ZNF708: variants seen among roughly 807,000 people sequenced by gnomAD.
The protein encoded by ZNF708 is zinc finger protein 708, also known as ZNF15, ZNF15L1.
ZNF708 carries 44 observed loss-of-function variants against 47.0 expected under a neutral mutation model. That is an observed-to-expected ratio of 0.94 (90% CI 0.74 to 1.20). The LOEUF is 1.20. Among genes scored for constraint, ZNF708 ranks in the 50% most tolerant of loss-of-function variants. The probability of loss-of-function intolerance (pLI) is 0.00; values close to 1 mark genes in which losing one functional copy is unlikely to be tolerated. For missense variants in ZNF708, 557 were observed against 656.0 expected (o/e 0.85, Z 1.65); for synonymous variants, 184 against 218.5 (o/e 0.84, Z 1.39).
At chr19:21,319,283 C>G (rs1022595611) in intron 1 of ZNF708, among the ~76,000 whole-genome samples, 2 of 152,084 alleles carry the variant, frequency 1.3e-5, no homozygotes, top group African/African-American at 4.8e-5. Flanking sequence ...ATACACTGAA[C>G]TGTTCTTGTT....
rs1388354827 is a variant in ZNF708 at position 21,299,083 on chromosome 19, C to T, written c.227-4344G>A. On this transcript the variant is annotated intron_variant, in intron 3 of 3. Coordinates refer to ENST00000356929, the MANE Select transcript of ZNF708 (RefSeq NM_021269.3). Reference sequence around the variant, plus strand: ...TAATGTATATTAAGATTTAGCTTTACGGCCAGGCAGTGCTGTACTCCCAGC... The same window carrying T: ...TAATGTATATTAAGATTTAGCTTTATGGCCAGGCAGTGCTGTACTCCCAGC... 4.6e-5 allele frequency among the ~76,000 whole-genome samples: 7 copies of T among 152,250 alleles called. No homozygotes were observed. In the East Asian group the frequency reaches 5.8e-4, roughly 13 times the overall value.
intron 1 of ZNF708, among the ~76,000 whole-genome samples, chr19:21,326,697 A>G (rs902964423): frequency 6.6e-6 from 1 of 152,024 alleles, no homozygotes; most frequent in Non-Finnish European, 1.5e-5. Context: ...TTGGGAGGCC[A>G]TGGCGGGTGG....
intron 1 of ZNF708, among the ~76,000 whole-genome samples, chr19:21,320,540 A>G (rs1973106270): frequency 6.6e-6 from 1 of 151,668 alleles, no homozygotes; most frequent in African/African-American, 2.4e-5. Flanking sequence ...TACAAAAAGA[A>G]ACATTAGACA....
At chr19:21,328,576 T>A (rs542407750) in intron 1 of ZNF708, among the ~76,000 whole-genome samples, 4 of 152,246 alleles carry the variant, frequency 2.6e-5, no homozygotes, top group African/African-American at 9.6e-5. Flanking sequence ...AATAATTAAG[T>A]GGCAGGCAAT....
In ZNF708 at chr19:21,293,568, A is replaced by G. The variant is rs202216363; in HGVS notation, c.1398T>C (p.His466=). The part of the protein sequence containing the change: ...TFNYSSNFTN[H]KKIHTGEKPY... ...GTTTCTCTCCAGTATGAATTTTTTT[A>G]TGATTAGTAAAATTTGAGGAGTAGT... Residue 466 remains histidine, a synonymous_variant, in exon 4 of 4, where the codon CAT becomes CAC. Transcript: ENST00000356929. 1.7e-5 allele frequency: 27 copies of G among 1,612,768 alleles called. No individual in the cohort carries two copies. In the East Asian group the frequency reaches 2.9e-4, roughly 17 times the overall value.
intron 3 of ZNF708, among the ~76,000 whole-genome samples, chr19:21,301,373 G>A (rs535746790): frequency 6.6e-6 from 1 of 151,980 alleles, no homozygotes; most frequent in African/African-American, 2.4e-5. Flanking sequence ...CCAGCACTTA[G>A]GGAGGCCAAG....
At chr19:21,329,095 C>G in intron 1 of ZNF708, 115 bp downstream of exon 1, 2 of 1,492,012 alleles carry the variant, frequency 1.3e-6, no homozygotes, top group South Asian at 2.3e-5. Context: ...GCAAGGAGAA[C>G]TCGGAGCGCA....
intron 3 of ZNF708, among the ~76,000 whole-genome samples, chr19:21,301,583 T>C (rs983434812): frequency 6.6e-6 from 1 of 151,974 alleles, no homozygotes; most frequent in African/African-American, 2.4e-5. Flanking sequence ...GCCACTGCAT[T>C]CTAGCCTGGG....
At chr19:21,297,959 TAGTGTGTGTG>T (rs1251567551) in intron 3 of ZNF708, among the ~76,000 whole-genome samples, 1 of 62,242 alleles carries the variant, frequency 1.6e-5, no homozygotes, top group African/African-American at 6.7e-5. Context: ...AACAAATGAC[TAGTGTGTGTG>T]TGTGTGTGTG....
intron 1 of ZNF708, chr19:21,318,111 G>A (rs2997217): frequency 7.9e-5 from 12 of 152,404 alleles, no homozygotes; most frequent in African/African-American, 2.6e-4. Flanking sequence ...TCTTAAGTGA[G>A]CCCCAATTGC....
intron 1 of ZNF708, among the ~76,000 whole-genome samples, chr19:21,324,582 A>C (rs1376641022): frequency 6.6e-6 from 1 of 152,196 alleles, no homozygotes; most frequent in Non-Finnish European, 1.5e-5. Flanking sequence ...AATAAAAAAA[A>C]AATCCAGCAG....
chr19:21,308,295 T>G (rs1199171433), intron 3 of ZNF708, among the ~76,000 whole-genome samples: 1 of 151,916 alleles, frequency 6.6e-6, no homozygotes, highest in South Asian at 2.1e-4. Context: ...TTTTTTTTTT[T>G]TGAGATTGAG....
chr19:21,310,452 AAAAT>A (rs372056271), intron 2 of ZNF708, 45 bp downstream of exon 2: 3 of 971,656 alleles, frequency 3.1e-6, no homozygotes, highest in Non-Finnish European at 3.9e-6. Flanking sequence ...CTCAAAAAAA[AAAAT>A]AATAATAAAT....
chr19:21,306,998 C>A, intron 3 of ZNF708: 1 of 143,326 alleles, frequency 7.0e-6, no homozygotes, highest in Admixed American at 7.1e-5. Context: ...CATAACATAA[C>A]ATAACATAAC....
At chr19:21,312,012 G>A (rs949471090) in intron 1 of ZNF708, among the ~76,000 whole-genome samples, 2 of 151,960 alleles carry the variant, frequency 1.3e-5, no homozygotes, top group African/African-American at 2.4e-5. Flanking sequence ...AAACAACATG[G>A]GGCCAGGTGC....
intron 3 of ZNF708, among the ~76,000 whole-genome samples, chr19:21,296,944 C>G (rs1972536942): frequency 6.6e-6 from 1 of 151,498 alleles, no homozygotes; most frequent in Admixed American, 6.6e-5. Context: ...ACCAGCCTGG[C>G]CAACATGGTG....
chr19:21,317,343 G>T (rs1973036741), intron 1 of ZNF708, among the ~76,000 whole-genome samples: 1 of 152,114 alleles, frequency 6.6e-6, no homozygotes, highest in African/African-American at 2.4e-5. Context: ...AAGGTTTGTA[G>T]AAATCTGATC....
At chr19:21,317,288 C>G (rs1349589728) in intron 1 of ZNF708, among the ~76,000 whole-genome samples, 1 of 151,962 alleles carries the variant, frequency 6.6e-6, no homozygotes, top group African/African-American at 2.4e-5. Context: ...TCAACAACAA[C>G]AAAAAAGTCA....
rs775883757 is a variant in ZNF708 at position 21,294,634 on chromosome 19, CCTTT to C, written c.328_331del (p.Lys110AlafsTer22). 658 of 1,613,788 alleles carry C rather than the reference CCTTT, an allele frequency of 4.1e-4. No homozygotes were observed. Among genetic ancestry groups the C allele is most frequent in the Non-Finnish European group, 5.3e-4 (631 of 1,179,976 alleles). On this transcript the variant is annotated frameshift_variant, in exon 4 of 4. Coordinates refer to ENST00000356929, the MANE Select transcript of ZNF708 (RefSeq NM_021269.3). LOFTEE classifies it high-confidence loss of function. ...CTTATGCTCATCCACACTTTTACAG[CCTTT>C]CTGATATCCACATTTTCCATATCTT...
Sources: gnomAD v4.1 joint callset for allele counts (sites outside exome capture counted in the v4.1 genomes callset) on GRCh38, gnomAD v4.1.1 for gene constraint, MANE v1.5 for transcripts, NCBI Gene and HGNC (gene_info 2026-07-23, HGNC 2026-07-21) for gene names.